Variants in TBX22 observed in about 807,000 individuals in gnomAD.
The protein encoded by TBX22 is T-box transcription factor 22.
Under a neutral mutation model 30.1 loss-of-function variants are expected in TBX22, and 8 were observed. That is an observed-to-expected ratio of 0.27 (90% confidence interval 0.16 to 0.48). The LOEUF (loss-of-function observed/expected upper bound fraction) is 0.48, where lower values mean the gene tolerates loss of function less well. Among genes scored for constraint, TBX22 ranks in the 20% least tolerant of loss-of-function variants. The pLI is 0.99. For synonymous variants in TBX22, 173 were observed against 149.1 expected (o/e 1.16, Z -1.17); for missense variants, 463 against 400.5 (o/e 1.16, Z -1.33).
In TBX22 at chrX:80,024,173, C is replaced by T; in HGVS notation, c.458+9C>T. ...GATTCCAAACGCTATAGGTAATGGG[C>T]CCCATAGAATGGTACTCTATGCCCA... On this transcript the variant is annotated intron_variant, in intron 4 of 8. Coordinates refer to ENST00000373296, the MANE Select transcript of TBX22 (RefSeq NM_001109878.2). The T allele has an allele frequency of 8.4e-7, 1 of 1,197,494 alleles. No individual in the cohort carries two copies. The highest frequency in any genetic ancestry group is 1.1e-6 in the Non-Finnish European group (1 of 882,958).
intron 4 of TBX22, 100 bp downstream of exon 4, chrX:80,024,264 A>T: frequency 2.1e-5 from 11 of 520,102 alleles, no homozygotes; most frequent in Non-Finnish European, 3.6e-5. Flanking sequence ...AAACTCTAGC[A>T]TGGGGGGTGG....
At position 80,031,036 on chromosome X, in the gene TBX22, C is replaced by T. The variant is rs35602350; in HGVS notation, c.1488C>T (p.Asp496=). The T allele has an allele frequency of 8.2e-4, 995 of 1,209,292 alleles. 1 individual carries two copies. Among genetic ancestry groups the T allele is most frequent in the Admixed American group, 2.1e-3 (98 of 45,813 alleles). ...GTTCCAACCATCTTAAAGTGAATGA[C>T]GACAGTCAAGTTTCTTTTGGAGAAG... The part of the protein sequence containing the change: ...ISGSNHLKVN[D]DSQVSFGEGK... Residue 496 remains aspartate (D), a synonymous_variant, in exon 9 of 9, where the codon GAC becomes GAT. Transcript: ENST00000373296.
intron 1 of TBX22, among the ~76,000 whole-genome samples, chrX:80,016,135 T>C (rs1192596601): frequency 1.8e-5 from 2 of 112,435 alleles, no homozygotes; most frequent in East Asian, 5.6e-4. Flanking sequence ...CCTGATTAAA[T>C]ACAGATAATT....
intron 4 of TBX22, among the ~76,000 whole-genome samples, chrX:80,025,150 C>T (rs773920852): frequency 2.2e-4 from 25 of 111,877 alleles, no homozygotes; most frequent in African/African-American, 8.1e-4. Flanking sequence ...AGAGGCTGCG[C>T]AGGGCTGTGT....
At chrX:80,027,920 C>T in intron 7 of TBX22, 71 bp from the exon 8 acceptor site, 1 of 794,338 alleles carries the variant, frequency 1.3e-6, no homozygotes, top group East Asian at 3.2e-5. Context: ...AAAGATATAG[C>T]AAAATAACTC....
At chrX:80,025,394 C>T (rs1053087313) in intron 4 of TBX22, among the ~76,000 whole-genome samples, 1 of 112,411 alleles carries the variant, frequency 8.9e-6, no homozygotes, top group Non-Finnish European at 1.9e-5. Flanking sequence ...TGACATTTTA[C>T]TTTCCCTGCA....
chrX:80,022,970 C>G, intron 2 of TBX22, 90 bp from the exon 3 acceptor site: 1 of 941,309 alleles, frequency 1.1e-6, no homozygotes, highest in South Asian at 2.1e-5. Flanking sequence ...GGGACAAGGC[C>G]CTGTCTGCTC....
Position 80,030,930 on chromosome X carries a change from C to T in TBX22, c.1382C>T (p.Pro461Leu), listed in dbSNP as rs1348703924. ...GNIFLPNSIT[P>L]EALSCSFHPS... Reference sequence around the variant, plus strand: ...ATTTTTCTGCCAAACTCCATCACCCCAGAAGCACTTAGTTGCTCCTTTCAT... The same window carrying T: ...ATTTTTCTGCCAAACTCCATCACCCTAGAAGCACTTAGTTGCTCCTTTCAT... Residue 461 changes from proline (P) to leucine (L), a missense_variant, in exon 9 of 9, where the codon CCA (proline) becomes CTA (leucine). Physicochemically the swap from Pro to Leu is moderately conservative, Grantham distance 98. Coordinates refer to ENST00000373296, the MANE Select transcript of TBX22 (RefSeq NM_001109878.2). The T allele has an allele frequency of 8.3e-7, 1 of 1,210,011 alleles. No individual in the cohort carries two copies. Among genetic ancestry groups the T allele is most frequent in the African/African-American group, 1.7e-5 (1 of 57,405 alleles).
intron 1 of TBX22, among the ~76,000 whole-genome samples, chrX:80,020,049 A>T (rs780292341): frequency 1.4e-4 from 16 of 110,366 alleles, no homozygotes; most frequent in Middle Eastern, 4.7e-3. Flanking sequence ...AAATCTATTT[A>T]AAAAAAAAGA....
intron 1 of TBX22, among the ~76,000 whole-genome samples, chrX:80,018,550 C>T (rs190207171): frequency 1.0e-3 from 116 of 111,921 alleles, no homozygotes; most frequent in African/African-American, 3.2e-3. Context: ...TTTTCCCCTT[C>T]GAGTGTTTCG....
At position 80,031,107 on chromosome X, in the gene TBX22, T is replaced by A. The variant is rs1924234015; in HGVS notation, c.1559T>A (p.Leu520His). Residue 520 changes from leucine to histidine, a missense_variant, in exon 9 of 9, where the codon CTT (leucine) becomes CAT (histidine). By Grantham distance (99) the Leu-to-His change is moderately conservative. Transcript: ENST00000373296. ...VHWYPAINHY[L>H] ...TGGTATCCAGCAATTAACCATTACC[T>A]TTAGTAAGACAATAGCATTTCTAGA... 1 of 1,205,583 alleles carries A rather than the reference T, an allele frequency of 8.3e-7. No individual in the cohort carries two copies. The highest frequency in any genetic ancestry group is 1.8e-5 in the South Asian group (1 of 56,689).
chrX:80,027,412 T>C, intron 7 of TBX22, 92 bp downstream of exon 7: 1 of 488,839 alleles, frequency 2.0e-6, no homozygotes, highest in Middle Eastern at 6.4e-4. Flanking sequence ...GGAGTCTCAC[T>C]CTGTTGCCCA....
rs765704978 is a variant in TBX22 at position 80,024,121 on chromosome X, C to T, written c.415C>T (p.His139Tyr). The T allele has an allele frequency of 1.6e-5, 19 of 1,209,078 alleles. No individual in the cohort carries two copies. The highest frequency in any genetic ancestry group is 1.9e-5 in the Non-Finnish European group (17 of 894,919). Residue 139 changes from histidine to tyrosine, a missense_variant, in exon 4 of 9, where the codon CAT (histidine) becomes TAT (tyrosine). Physicochemically the swap from His to Tyr is moderately conservative, Grantham distance 83. Coordinates refer to ENST00000373296, the MANE Select transcript of TBX22 (RefSeq NM_001109878.2). Reference sequence around the variant, plus strand: ...AGGGTTGGATCCAGGGAAGCAGTACCATGTGGCCATCGATGTGGTGCCGGT... The same window carrying T: ...AGGGTTGGATCCAGGGAAGCAGTACTATGTGGCCATCGATGTGGTGCCGGT... ...VKGLDPGKQYHVAIDVVPVDS... is the reference protein window; with the variant it reads ...VKGLDPGKQYYVAIDVVPVDS...
chrX:80,022,027 TACACACACACACAC>T lies in TBX22; in HGVS notation c.-2-213_-2-200del, dbSNP rs200577659. Among the ~76,000 whole-genome samples, 480 of 92,961 alleles carry T rather than the reference TACACACACACACAC, an allele frequency of 5.2e-3. 2 individuals are homozygous for T. Among genetic ancestry groups the T allele is most frequent in the African/African-American group, 0.017 (445 of 25,914 alleles). The allele number at this position is 92,961 out of a possible 115,157, so 80.7% of individuals were successfully genotyped here. A position where few individuals can be genotyped will look rare whatever the true frequency, so the allele number is the denominator to read the frequency against. ...AAAATATATATGTATATAAAAAAAT[TACACACACACACAC>T]ACACACACACACACACACACACACA... On this transcript the variant is annotated intron_variant, in intron 1 of 8. Coordinates refer to ENST00000373296, the MANE Select transcript of TBX22 (RefSeq NM_001109878.2).
intron 1 of TBX22, 112 bp from the exon 2 acceptor site, chrX:80,022,156 C>T (rs1923735742): frequency 1.4e-6 from 1 of 730,605 alleles, no homozygotes. Flanking sequence ...TTTGTTTTTC[C>T]CGCTTTCCCT....
Position 80,030,469 on chromosome X carries a change from T to C in TBX22, c.950-29T>C, listed in dbSNP as rs1044824225. The C allele has an allele frequency of 7.5e-6, 9 of 1,207,784 alleles. No homozygotes were observed. The African/African-American group carries it at 1.2e-4, about 16-fold the overall frequency. On this transcript the variant is annotated intron_variant, in intron 8 of 8. Coordinates refer to ENST00000373296, the MANE Select transcript of TBX22 (RefSeq NM_001109878.2). ...GCAGGAACATCAAATGTCAAGTTCATTATTCATTGGCTGAATTGTCATTCA... is the reference window on the plus strand; with the variant it reads ...GCAGGAACATCAAATGTCAAGTTCACTATTCATTGGCTGAATTGTCATTCA...
rs779795582 is a variant in TBX22 at position 80,031,128 on chromosome X, C to A, written c.*17C>A. The A allele has an allele frequency of 3.5e-5, 42 of 1,192,755 alleles. No homozygotes were observed. The highest frequency in any genetic ancestry group is 4.0e-5 in the Non-Finnish European group (35 of 882,386). ...TACCTTTAGTAAGACAATAGCATTT[C>A]TAGAACAATTACATGTAAACAAATA... is the stretch of plus-strand genomic sequence containing the variant. On this transcript the variant is annotated 3_prime_UTR_variant, in exon 9 of 9. Coordinates refer to ENST00000373296, the MANE Select transcript of TBX22 (RefSeq NM_001109878.2).
intron 1 of TBX22, among the ~76,000 whole-genome samples, chrX:80,017,441 A>C (rs1308341643): frequency 9.1e-6 from 1 of 110,181 alleles, no homozygotes; most frequent in African/African-American, 3.3e-5. Flanking sequence ...TGAGATTACA[A>C]GTGTGAGCCC....
At chrX:80,024,877 GT>G (rs1220471531) in intron 4 of TBX22, among the ~76,000 whole-genome samples, 2 of 110,663 alleles carry the variant, frequency 1.8e-5, no homozygotes, top group Non-Finnish European at 1.9e-5. Context: ...CCAGTTCAGG[GT>G]TGGAGGGGTT....
Sources: allele counts gnomAD v4.1 joint callset (sites outside exome capture counted in the v4.1 genomes callset), GRCh38; gene constraint gnomAD v4.1.1; transcripts MANE v1.5; gene names NCBI Gene and HGNC (gene_info 2026-07-23, HGNC 2026-07-21).